NAPB: variants seen among roughly 807,000 people sequenced by gnomAD.
NAPB encodes beta-soluble NSF attachment protein.
A neutral mutation model predicts 44.7 loss-of-function variants in NAPB; 26 were observed. The ratio of observed to expected loss-of-function variants is 0.58; its 90% CI spans 0.43 to 0.81. NAPB has a LOEUF of 0.81. Ranked by LOEUF, NAPB falls within the 30% of genes least tolerant of loss-of-function variation. The probability of loss-of-function intolerance (pLI) is 0.00; values close to 1 mark genes in which losing one functional copy is unlikely to be tolerated. For missense variants in NAPB, 315 were observed against 356.4 expected, an observed-to-expected ratio of 0.88 and a Z score of 0.94; for synonymous variants, 120 against 116.8, an observed-to-expected ratio of 1.03 and a Z score of -0.18.
intron 7 of NAPB, among the ~76,000 whole-genome samples, chr20:23,386,689 CTTA>C (rs1363475041): frequency 2.6e-5 from 4 of 152,180 alleles, no homozygotes; most frequent in Non-Finnish European, 4.4e-5. Flanking sequence ...CTTATTTTCA[CTTA>C]TTACTGTGGG....
chr20:23,391,003 C>T (rs1057060715), intron 5 of NAPB, among the ~76,000 whole-genome samples: 5 of 152,108 alleles, frequency 3.3e-5, no homozygotes, highest in Non-Finnish European at 5.9e-5. Flanking sequence ...AAATCAAGCA[C>T]GTGACAACTC....
intron 1 of NAPB, among the ~76,000 whole-genome samples, chr20:23,410,341 CA>C (rs1985567232): frequency 6.6e-6 from 1 of 152,124 alleles, no homozygotes; most frequent in Admixed American, 6.5e-5. Context: ...ATTGTGTGTC[CA>C]AGAAACTCTG....
chr20:23,394,819 G>T, intron 5 of NAPB, 103 bp downstream of exon 5: 2 of 1,177,112 alleles, frequency 1.7e-6, no homozygotes, highest in South Asian at 1.4e-5. Context: ...GGCCATCTAT[G>T]ACCACTCTAC....
At chr20:23,391,157 C>T (rs1030646149) in intron 5 of NAPB, among the ~76,000 whole-genome samples, 1 of 152,048 alleles carries the variant, frequency 6.6e-6, no homozygotes, top group Admixed American at 6.6e-5. Context: ...TAAAAAGATA[C>T]AAAAATTAGC....
In NAPB at chr20:23,376,660, C is replaced by G. The variant is rs1383002320; in HGVS notation, c.*716G>C. On this transcript the variant is annotated 3_prime_UTR_variant, in exon 11 of 11. Transcript: ENST00000377026. ...CCAGAAAAAGAGAAAAATTCCATTT[C>G]TAACAGATCTTGTGATATGTGTGTG... The G allele has an allele frequency of 6.6e-6, 1 of 152,218 alleles. No individual in the cohort carries two copies. The highest frequency in any genetic ancestry group is 1.5e-5 in the Non-Finnish European group (1 of 68,034). 9.4% of individuals were successfully genotyped at this position (152,218 alleles called of 1,614,324 possible).
chr20:23,417,438 A>G (rs1986086634), intron 1 of NAPB, among the ~76,000 whole-genome samples: 1 of 152,162 alleles, frequency 6.6e-6, no homozygotes, highest in Non-Finnish European at 1.5e-5. Context: ...GTTATTCCCA[A>G]CCGGGTCTCA....
intron 9 of NAPB, 130 bp downstream of exon 9, chr20:23,379,737 C>A: frequency 1.4e-6 from 1 of 724,616 alleles, no homozygotes. Context: ...AATACGAAAG[C>A]AGGAAAGTAC....
At position 23,389,417 on chromosome 20, in the gene NAPB, A is replaced by T. The variant is rs1600570595; in HGVS notation, c.561+529T>A. Among the ~76,000 whole-genome samples the T allele has an allele frequency of 2.0e-5, 3 of 152,258 alleles. No individual in the cohort carries two copies. In the South Asian group the frequency reaches 6.2e-4, roughly 32 times the overall value. On this transcript the variant is annotated intron_variant, in intron 7 of 10. Transcript: ENST00000377026. ...ACTGCAATTCTATTCCCAGGTATGT[A>T]ACTAAGAGAACTAAAAACACCACCA...
rs546003809 is a variant in NAPB at position 23,374,850 on chromosome 20, TCACA to T, written c.*2522_*2525del. 66 of 152,384 alleles carry T rather than the reference TCACA, an allele frequency of 4.3e-4. No individual in the cohort carries two copies. The highest frequency in any genetic ancestry group is 1.5e-3 in the African/African-American group (63 of 41,538). 9.4% of individuals were successfully genotyped at this position (152,384 alleles called of 1,614,324 possible). A position where few individuals can be genotyped will look rare whatever the true frequency, so the allele number is the denominator to read the frequency against. On this transcript the variant is annotated 3_prime_UTR_variant, in exon 11 of 11. Transcript: ENST00000377026. ...TTCAAATCATTAAATAAAAAAGAAC[TCACA>T]CAAGCTATAAAAATGTTGCCACAAA...
At position 23,398,551 on chromosome 20, in the gene NAPB, AT is replaced by A. The variant is rs1461711356; in HGVS notation, c.179-1364del. On this transcript the variant is annotated intron_variant, in intron 2 of 10. Transcript: ENST00000377026. ...TTTTTTATTTTTAATTCTTTAAAAA[AT>A]TTTTTTGGCTGGGTTTGGTGGCTCA... 5.3e-5 allele frequency among the ~76,000 whole-genome samples: 8 copies of A among 152,058 alleles called. No individual in the cohort carries two copies. In the East Asian group the frequency reaches 1.4e-3, roughly 26 times the overall value.
At chr20:23,386,589 C>G (rs1248437091) in intron 7 of NAPB, among the ~76,000 whole-genome samples, 1 of 152,188 alleles carries the variant, frequency 6.6e-6, no homozygotes, top group Non-Finnish European at 1.5e-5. Context: ...AAGTCAGCCA[C>G]AAGGGTGGTC....
chr20:23,382,043 T>G (rs555091873), intron 7 of NAPB, among the ~76,000 whole-genome samples: 1 of 152,306 alleles, frequency 6.6e-6, no homozygotes, highest in South Asian at 2.1e-4. Context: ...ACTGGGAGCC[T>G]GCATCCTGTC....
intron 9 of NAPB, 37 bp downstream of exon 9, chr20:23,379,830 C>T (rs377455067): frequency 2.4e-5 from 36 of 1,526,434 alleles, no homozygotes; most frequent in Non-Finnish European, 3.2e-5. Flanking sequence ...CCTAACAGAA[C>T]AAAAGCATTT....
intron 9 of NAPB, 28 bp from the exon 10 acceptor site, chr20:23,379,523 C>T: frequency 6.4e-7 from 1 of 1,564,990 alleles, no homozygotes. Context: ...TTTTAAAAAA[C>T]AGTTCTGTAA....
At chr20:23,416,981 A>T (rs557590432) in intron 1 of NAPB, among the ~76,000 whole-genome samples, 46 of 152,324 alleles carry the variant, frequency 3.0e-4, no homozygotes, top group Non-Finnish European at 5.1e-4. Flanking sequence ...TTAAATTTAC[A>T]TTGACATTGC....
At chr20:23,421,055 G>A (rs1986382205) in intron 1 of NAPB, among the ~76,000 whole-genome samples, 2 of 151,156 alleles carry the variant, frequency 1.3e-5, no homozygotes, top group South Asian at 2.1e-4. Context: ...GGGGTTTCCA[G>A]GGACCCTGGG....
chr20:23,417,499 A>C (rs1986091718), intron 1 of NAPB, among the ~76,000 whole-genome samples: 1 of 152,150 alleles, frequency 6.6e-6, no homozygotes, highest in Admixed American at 6.5e-5. Context: ...CCAATTCAAA[A>C]CTATCTTAAT....
chr20:23,377,162 A>T lies in NAPB; in HGVS notation c.*214T>A. ...TCAGAAAACGCTGGGGGTTCTGATA[A>T]GCATGAAACAACCCATCATTACCAC... On this transcript the variant is annotated 3_prime_UTR_variant, in exon 11 of 11. Transcript: ENST00000377026. The T allele has an allele frequency of 2.9e-6, 1 of 339,876 alleles. No homozygotes were observed. The highest frequency in any genetic ancestry group is 5.3e-6 in the Non-Finnish European group (1 of 187,454). 21.1% of individuals were successfully genotyped at this position (339,876 alleles called of 1,614,324 possible).
chr20:23,417,210 A>G (rs1394569804), intron 1 of NAPB, among the ~76,000 whole-genome samples: 2 of 152,052 alleles, frequency 1.3e-5, no homozygotes, highest in African/African-American at 4.8e-5. Context: ...CAGCCTACCA[A>G]GTAGCTGGTA....
Sources: gnomAD v4.1 joint callset for allele counts (sites outside exome capture counted in the v4.1 genomes callset) on GRCh38, gnomAD v4.1.1 for gene constraint, MANE v1.5 for transcripts, NCBI Gene and HGNC (gene_info 2026-07-23, HGNC 2026-07-21) for gene names.